WIPF3: variants seen among roughly 807,000 people sequenced by gnomAD.
WIPF3 encodes the protein WAS/WASL-interacting protein family member 3.
In WIPF3, 33 loss-of-function variants were observed where a neutral mutation model predicts 38.9. That is an observed-to-expected ratio of 0.85 (90% CI 0.64 to 1.14). WIPF3 has a LOEUF of 1.14. Among genes scored for constraint, WIPF3 ranks in the 50% most tolerant of loss-of-function variants. WIPF3 has a pLI of 0.00. For synonymous variants in WIPF3, 324 were observed against 269.3 expected, an observed-to-expected ratio of 1.20 and a Z score of -1.99; for missense variants, 711 against 652.5, an observed-to-expected ratio of 1.09 and a Z score of -0.98.
intron 2 of WIPF3, among the ~76,000 whole-genome samples, chr7:29,873,329 C>A (rs1785531530): frequency 6.6e-6 from 1 of 152,156 alleles, no homozygotes. Flanking sequence ...TATTATAATT[C>A]AGTGGGTTAT....
At chr7:29,888,242 G>T in intron 6 of WIPF3, 25 bp downstream of exon 6, 1 of 1,587,354 alleles carries the variant, frequency 6.3e-7, no homozygotes, top group Non-Finnish European at 8.6e-7. Context: ...CCCTCTGCCG[G>T]TTTGGCTGCC....
chr7:29,839,469 C>T (rs1057459485), intron 2 of WIPF3, among the ~76,000 whole-genome samples: 3 of 152,148 alleles, frequency 2.0e-5, no homozygotes, highest in East Asian at 1.9e-4. Flanking sequence ...CTTACCGTCA[C>T]GTGTAATGGA....
rs1280949495 is a variant in WIPF3 at position 29,852,168 on chromosome 7, A to G, written c.90+17354A>G. On this transcript the variant is annotated intron_variant, in intron 2 of 8. Transcript: ENST00000242140. ...AGGCACACAACACCATGCCTAGCTA[A>G]TTTATTTTTTATTTATTTTGTAGAG... is the stretch of plus-strand genomic sequence containing the variant. Among the ~76,000 whole-genome samples, 7 of 152,112 alleles carry G rather than the reference A, an allele frequency of 4.6e-5. No homozygotes were observed. The East Asian group carries it at 9.7e-4, about 21-fold the overall frequency.
Position 29,883,876 on chromosome 7 carries a change from T to C in WIPF3, c.382T>C (p.Ser128Pro), listed in dbSNP as rs1785774606. The change falls in exon 5 of 9, where the codon TCC becomes CCC. Residue 128 changes from serine (S) to proline (P), a missense_variant. Coordinates refer to ENST00000242140, the MANE Select transcript of WIPF3 (RefSeq NM_001080529.3). Reference sequence around the variant, plus strand: ...TGGCAAGACAGGGCAGGGCCCTGGCTCCCGCGCGCCCTCTCCCAGGCTTCC... The same window carrying C: ...TGGCAAGACAGGGCAGGGCCCTGGCCCCCGCGCGCCCTCTCCCAGGCTTCC... ...AGGKTGQGPG[S>P]RAPSPRLPNK... 3 of 1,565,842 alleles carry C rather than the reference T, an allele frequency of 1.9e-6. No homozygotes were observed. Among genetic ancestry groups the C allele is most frequent in the African/African-American group, 2.7e-5 (2 of 73,926 alleles).
intron 1 of WIPF3, among the ~76,000 whole-genome samples, chr7:29,824,914 G>A (rs1221371854): frequency 2.0e-5 from 3 of 152,280 alleles, no homozygotes; most frequent in East Asian, 3.9e-4. Context: ...TAGGAATAAG[G>A]TTAAAGCACT....
intron 4 of WIPF3, among the ~76,000 whole-genome samples, chr7:29,881,289 C>G (rs555517918): frequency 1.3e-5 from 2 of 152,348 alleles, no homozygotes; most frequent in East Asian, 3.9e-4. Flanking sequence ...TCTGATCCAT[C>G]TGAAGCTAAG....
chr7:29,902,368 G>A (rs4722957), intron 7 of WIPF3, among the ~76,000 whole-genome samples: 100,024 of 150,082 alleles, frequency 0.67, 34,386 homozygotes, highest in East Asian at 0.88. Context: ...TTTATTCTAG[G>A]ACAAGTGCAC....
intron 4 of WIPF3, among the ~76,000 whole-genome samples, chr7:29,882,995 C>T (rs976174371): frequency 2.6e-5 from 4 of 152,006 alleles, no homozygotes; most frequent in South Asian, 2.1e-4. Flanking sequence ...AGAGGCAGAG[C>T]GAAAAAAGGG....
At position 29,814,378 on chromosome 7, in the gene WIPF3, A is replaced by G. The variant is rs992224469; in HGVS notation, c.-58+7700A>G. ...ATTTGTGGGCAGGAACCATGTAGCTATGGATTTATTTATCCATCAAACATT... is the reference window on the plus strand; with the variant it reads ...ATTTGTGGGCAGGAACCATGTAGCTGTGGATTTATTTATCCATCAAACATT... On this transcript the variant is annotated intron_variant, in intron 1 of 8. Coordinates refer to ENST00000242140, the MANE Select transcript of WIPF3 (RefSeq NM_001080529.3). Among the ~76,000 whole-genome samples, 8 of 152,300 alleles carry G rather than the reference A, an allele frequency of 5.3e-5. No homozygotes were observed. In the South Asian group the frequency reaches 1.2e-3, roughly 24 times the overall value.
At chr7:29,906,665 A>G (rs1024517309) in intron 8 of WIPF3, among the ~76,000 whole-genome samples, 5 of 152,220 alleles carry the variant, frequency 3.3e-5, no homozygotes, top group Non-Finnish European at 5.9e-5. Flanking sequence ...GAAAGGCATG[A>G]ATATAAACAT....
intron 1 of WIPF3, among the ~76,000 whole-genome samples, chr7:29,815,898 T>G (rs907820208): frequency 6.6e-6 from 1 of 152,138 alleles, no homozygotes; most frequent in Non-Finnish European, 1.5e-5. Flanking sequence ...GGTGGTGATT[T>G]CAGCTGTCCC....
intron 1 of WIPF3, among the ~76,000 whole-genome samples, chr7:29,822,370 T>A (rs537974300): frequency 1.3e-5 from 2 of 152,224 alleles, no homozygotes; most frequent in East Asian, 3.9e-4. Flanking sequence ...TGCCTGCAAA[T>A]AATTTTGGAC....
At chr7:29,895,160 C>G (rs1262354454) in intron 7 of WIPF3, among the ~76,000 whole-genome samples, 1 of 152,070 alleles carries the variant, frequency 6.6e-6, no homozygotes, top group Non-Finnish European at 1.5e-5. Context: ...AGGCTGGGCT[C>G]GAACTCCTGA....
intron 2 of WIPF3, among the ~76,000 whole-genome samples, chr7:29,847,482 T>C (rs902052135): frequency 1.2e-4 from 18 of 152,216 alleles, no homozygotes. Flanking sequence ...TGGGAGTCTT[T>C]AGAATAAAGA....
At position 29,884,516 on chromosome 7, in the gene WIPF3, G is replaced by T. The variant is rs1042376551; in HGVS notation, c.1022G>T (p.Gly341Val). 1.9e-6 allele frequency: 3 copies of T among 1,576,244 alleles called. No individual in the cohort carries two copies. The African/African-American group carries it at 4.1e-5, about 22-fold the overall frequency. ...TTCCAGGCCCCACCGCAGAAGGCCG[G>T]TGCGCAGGCCTTGCCCGCCCCGCCT... Reference protein sequence around the residue: ...PSFQAPPQKAGAQALPAPPAP... With the variant: ...PSFQAPPQKAVAQALPAPPAP... The change falls in exon 5 of 9, where the codon GGT (glycine) becomes GTT (valine). Residue 341 changes from glycine to valine, a missense_variant. Transcript: ENST00000242140.
chr7:29,914,959 T>G lies in WIPF3; in HGVS notation c.*443T>G, dbSNP rs139121080. 148 of 152,574 alleles carry G rather than the reference T, an allele frequency of 9.7e-4. 1 individual carries two copies. Among genetic ancestry groups the G allele is most frequent in the Non-Finnish European group, 1.4e-3 (98 of 68,446 alleles). 9.5% of individuals were successfully genotyped at this position (152,574 alleles called of 1,614,324 possible). ...ACACTAACTGCAAAATCAAACCAAATAATGCCTTATCAATGATGCAGCTCA... is the reference window on the plus strand; with the variant it reads ...ACACTAACTGCAAAATCAAACCAAAGAATGCCTTATCAATGATGCAGCTCA... On this transcript the variant is annotated 3_prime_UTR_variant, in exon 9 of 9. Transcript: ENST00000242140.
chr7:29,828,844 A>T (rs1319705175), intron 1 of WIPF3, among the ~76,000 whole-genome samples: 1 of 152,240 alleles, frequency 6.6e-6, no homozygotes, highest in Admixed American at 6.5e-5. Context: ...AAATTCCTCC[A>T]GCATAGGGTA....
At chr7:29,874,191 C>T (rs752425068) in intron 2 of WIPF3, among the ~76,000 whole-genome samples, 7 of 151,984 alleles carry the variant, frequency 4.6e-5, no homozygotes, top group Non-Finnish European at 1.0e-4. Context: ...AGAGCAAAGA[C>T]AGCTCTGATA....
In WIPF3 at chr7:29,889,334, T is replaced by A. The variant is rs2893360; in HGVS notation, c.1278T>A (p.His426Gln). ...IDDFESKFTF[H>Q]SVEDFPPPDE... ...ACTTCGAGTCTAAATTCACGTTCCA[T>A]TCTGTGGAAGACTTTCCCCCTCCGG... The change falls in exon 7 of 9, where the codon CAT becomes CAA. Residue 426 changes from histidine (H) to glutamine (Q), a missense_variant. His to Gln is a conservative substitution (Grantham distance 24). Transcript: ENST00000242140. 4 of 1,613,852 alleles carry A rather than the reference T, an allele frequency of 2.5e-6. No homozygotes were observed. The African/African-American group carries it at 5.3e-5, about 22-fold the overall frequency.
Sources: allele counts gnomAD v4.1 joint callset (sites outside exome capture counted in the v4.1 genomes callset), GRCh38; gene constraint gnomAD v4.1.1; transcripts MANE v1.5; gene names NCBI Gene and HGNC (gene_info 2026-07-23, HGNC 2026-07-21).